Variants in FSTL4 observed in about 807,000 individuals in gnomAD.
FSTL4 encodes the protein follistatin like 4, also known as follistatin-related protein 4.
FSTL4 carries 28 observed loss-of-function variants against 78.2 expected under a neutral mutation model. The ratio of observed to expected loss-of-function variants is 0.36; its 90% CI spans 0.27 to 0.49. FSTL4 has a LOEUF of 0.49. Ranked by LOEUF, FSTL4 falls within the 20% of genes least tolerant of loss-of-function variation. The pLI, the probability that FSTL4 is intolerant of heterozygous loss-of-function variation, is 0.98. For synonymous variants in FSTL4, 422 were observed against 440.5 expected (o/e 0.96, Z 0.53); for missense variants, 922 against 1,084.9 (o/e 0.85, Z 2.11).
chr5:133,347,628 C>T (rs907975025), intron 4 of FSTL4, among the ~76,000 whole-genome samples: 3 of 152,062 alleles, frequency 2.0e-5, no homozygotes, highest in Admixed American at 6.6e-5. Context: ...CAAAGTGCTG[C>T]GATTATAGGC....
the FSTL4 span, among the ~76,000 whole-genome samples, chr5:133,717,582 T>C: frequency 2.0e-5 from 3 of 152,164 alleles, no homozygotes; most frequent in Admixed American, 6.5e-5. Context: ...TCCCAGTCAA[T>C]CCCACCAACC....
chr5:133,253,526 A>G lies in FSTL4; in HGVS notation c.728-3950T>C, dbSNP rs1360869919. Among the ~76,000 whole-genome samples the G allele has an allele frequency of 7.9e-5, 12 of 152,276 alleles. 1 individual carries two copies. The highest frequency in any genetic ancestry group is 2.2e-4 in the African/African-American group (9 of 41,558). The stretch of plus-strand genomic sequence containing the variant: ...CCCACTGCATCTTTTCTTGCCCCTA[A>G]GTGTCATCTGCCCCTGTTCTTTGCC... On this transcript the variant is annotated intron_variant, in intron 6 of 15. Coordinates refer to ENST00000265342, the MANE Select transcript of FSTL4 (RefSeq NM_015082.2).
At chr5:133,213,068 T>C (rs1750790845) in intron 13 of FSTL4, among the ~76,000 whole-genome samples, 1 of 68,174 alleles carries the variant, frequency 1.5e-5, no homozygotes, top group Non-Finnish European at 4.0e-5. Context: ...GCTGGTGCAA[T>C]CTTGGCTCAC....
rs1750155667 is a variant in FSTL4, at chr5:133,196,672, A to G, written c.*2423T>C. ...CCCAGTGGCTTTCCAACTGTGTCCC[A>G]TGAACCTCTGCTGGGGTGAAGTATG... On this transcript the variant is annotated 3_prime_UTR_variant, in exon 16 of 16. Coordinates refer to ENST00000265342, the MANE Select transcript of FSTL4 (RefSeq NM_015082.2). 1 of 152,194 alleles carries G rather than the reference A, an allele frequency of 6.6e-6. No homozygotes were observed. Among genetic ancestry groups the G allele is most frequent in the African/African-American group, 2.4e-5 (1 of 41,448 alleles). The allele number at this position is 152,194 out of a possible 1,614,324, so 9.4% of individuals were successfully genotyped here. A position where few individuals can be genotyped will look rare whatever the true frequency, so the allele number is the denominator to read the frequency against.
intron 3 of FSTL4, among the ~76,000 whole-genome samples, chr5:133,518,115 G>A (rs546834595): frequency 2.2e-4 from 33 of 152,234 alleles, no homozygotes; most frequent in African/African-American, 7.7e-4. Context: ...GCATATAAAC[G>A]AATGCTGATA....
At chr5:133,581,931 G>A (rs974401301) in intron 2 of FSTL4, among the ~76,000 whole-genome samples, 1 of 152,248 alleles carries the variant, frequency 6.6e-6, no homozygotes. Flanking sequence ...ACAAACCTCT[G>A]CAGGTGCCAG....
At chr5:133,827,000 G>T in the FSTL4 span, among the ~76,000 whole-genome samples, 1 of 152,250 alleles carries the variant, frequency 6.6e-6, no homozygotes, top group Non-Finnish European at 1.5e-5. Context: ...AAGGCCCAAT[G>T]GCACGCCCAG....
intron 6 of FSTL4, among the ~76,000 whole-genome samples, chr5:133,286,414 A>T (rs1391541391): frequency 6.6e-6 from 1 of 152,192 alleles, no homozygotes; most frequent in Non-Finnish European, 1.5e-5. Flanking sequence ...AACACTTGCA[A>T]TGAGACCTAA....
chr5:133,645,206 C>T, the FSTL4 span, among the ~76,000 whole-genome samples: 3 of 152,142 alleles, frequency 2.0e-5, no homozygotes, highest in African/African-American at 7.2e-5. Flanking sequence ...TCTGCTTTTT[C>T]CTCCCCAGTG....
At chr5:133,494,272 G>A (rs1330519879) in intron 3 of FSTL4, among the ~76,000 whole-genome samples, 2 of 151,804 alleles carry the variant, frequency 1.3e-5, no homozygotes, top group Non-Finnish European at 1.5e-5. Flanking sequence ...AGGACTTCAT[G>A]TGTGATGGTT....
At chr5:133,695,934 C>T in the FSTL4 span, among the ~76,000 whole-genome samples, 1 of 152,248 alleles carries the variant, frequency 6.6e-6, no homozygotes, top group African/African-American at 2.4e-5. Flanking sequence ...TGGCTCCGTT[C>T]CTGATCAGGC....
chr5:133,445,492 C>T (rs1307162118), intron 3 of FSTL4, among the ~76,000 whole-genome samples: 1 of 152,204 alleles, frequency 6.6e-6, no homozygotes, highest in Non-Finnish European at 1.5e-5. Context: ...CCCTGCCTGC[C>T]CTGACACCTG....
At chr5:133,226,553 C>A (rs1487271285) in intron 8 of FSTL4, among the ~76,000 whole-genome samples, 2 of 152,208 alleles carry the variant, frequency 1.3e-5, no homozygotes, top group African/African-American at 4.8e-5. Context: ...TCCCTCTTAC[C>A]CCTAGCTCTG....
intron 4 of FSTL4, among the ~76,000 whole-genome samples, chr5:133,386,203 T>C (rs771925781): frequency 6.6e-6 from 1 of 152,214 alleles, no homozygotes; most frequent in Non-Finnish European, 1.5e-5. Flanking sequence ...ATGGGCTCTT[T>C]GAGTTAGTTG....
At chr5:133,567,583 A>G (rs879927023) in intron 2 of FSTL4, among the ~76,000 whole-genome samples, 1 of 152,232 alleles carries the variant, frequency 6.6e-6, no homozygotes, top group African/African-American at 2.4e-5. Flanking sequence ...GGGACTGAAG[A>G]AAACATAAGC....
At chr5:133,765,914 TGA>T in the FSTL4 span, among the ~76,000 whole-genome samples, 1 of 152,200 alleles carries the variant, frequency 6.6e-6, no homozygotes, top group African/African-American at 2.4e-5. Context: ...AGAGCCACAC[TGA>T]GACAGCAGCC....
intron 2 of FSTL4, among the ~76,000 whole-genome samples, chr5:133,590,039 C>G (rs370972849): frequency 1.3e-5 from 2 of 152,192 alleles, no homozygotes; most frequent in African/African-American, 4.8e-5. Flanking sequence ...ATATCAATAG[C>G]TATGGAATTA....
intron 3 of FSTL4, among the ~76,000 whole-genome samples, chr5:133,474,340 T>TA (rs11370638): frequency 0.44 from 66,217 of 151,844 alleles, 15,322 homozygotes; most frequent in African/African-American, 0.59. Flanking sequence ...TGCTGAGAAC[T>TA]GCAAGTGCCA....
chr5:133,761,135 T>C, the FSTL4 span, among the ~76,000 whole-genome samples: 4 of 152,256 alleles, frequency 2.6e-5, no homozygotes, highest in Admixed American at 6.5e-5. Flanking sequence ...TTTTGTTCTA[T>C]TCTGACATTT....
Sources: allele counts gnomAD v4.1 joint callset (sites outside exome capture counted in the v4.1 genomes callset), GRCh38; gene constraint gnomAD v4.1.1; transcripts MANE v1.5; gene names NCBI Gene and HGNC (gene_info 2026-07-23, HGNC 2026-07-21).